The following DPP6 variants were observed in gnomAD, a reference collection of about 807,000 sequenced individuals.
DPP6 encodes dipeptidyl peptidase like 6, also known as A-type potassium channel modulatory protein DPP6.
A neutral mutation model predicts 122.6 loss-of-function variants in DPP6; 69 were observed. The observed-to-expected ratio is 0.56, with a 90% CI of 0.46 to 0.69. The LOEUF (loss-of-function observed/expected upper bound fraction) is 0.69. Among genes scored for constraint, DPP6 ranks in the 30% least tolerant of loss-of-function variants. DPP6 has a pLI of 0.00. For synonymous variants in DPP6, 418 were observed against 433.1 expected, an observed-to-expected ratio of 0.97 and a Z score of 0.43; for missense variants, 928 against 1,116.9, an observed-to-expected ratio of 0.83 and a Z score of 2.41.
At chr7:154,288,493 A>T (rs754847921) in intron 1 of DPP6, among the ~76,000 whole-genome samples, 13 of 152,256 alleles carry the variant, frequency 8.5e-5, no homozygotes, top group Non-Finnish European at 1.6e-4. Flanking sequence ...CTCTCTGCAC[A>T]TCTGACATCT....
the DPP6 span, among the ~76,000 whole-genome samples, chr7:153,773,267 G>GTGTGTGTGTGTGTC: frequency 7.2e-6 from 1 of 139,224 alleles, no homozygotes; most frequent in African/African-American, 2.7e-5. Flanking sequence ...TTTCTTTCGT[G>GTGTGTGTGTGTGTC]TGTGTGTGTG....
At chr7:154,317,874 A>G (rs1039205218) in intron 1 of DPP6, among the ~76,000 whole-genome samples, 7 of 152,254 alleles carry the variant, frequency 4.6e-5, no homozygotes, top group African/African-American at 1.7e-4. Context: ...TAAAAACACC[A>G]AAGAAGATCA....
intron 1 of DPP6, among the ~76,000 whole-genome samples, chr7:153,962,650 A>T (rs1795411611): frequency 6.6e-6 from 1 of 152,144 alleles, no homozygotes. Context: ...TCAGGAAGTA[A>T]ACCTGTCAAG....
chr7:154,150,937 C>T (rs2150685133), intron 1 of DPP6, among the ~76,000 whole-genome samples: 1 of 152,310 alleles, frequency 6.6e-6, no homozygotes, highest in East Asian at 1.9e-4. Context: ...GGCAAGGTCG[C>T]CTGTCTCCCT....
At chr7:153,937,623 T>C (rs1236836772) in intron 1 of DPP6, among the ~76,000 whole-genome samples, 1 of 152,090 alleles carries the variant, frequency 6.6e-6, no homozygotes, top group African/African-American at 2.4e-5. Context: ...AATTTTTGTA[T>C]TTTTAATAGA....
intron 10 of DPP6, among the ~76,000 whole-genome samples, chr7:154,792,035 A>G (rs1341851900): frequency 1.3e-5 from 2 of 152,292 alleles, no homozygotes; most frequent in Non-Finnish European, 2.9e-5. Flanking sequence ...GCATAGGATG[A>G]ATGAATGTTT....
chr7:153,988,467 A>G (rs575072432), intron 1 of DPP6, among the ~76,000 whole-genome samples: 2,713 of 152,186 alleles, frequency 0.018, 76 homozygotes, highest in African/African-American at 0.057. Context: ...CAGTGTTACC[A>G]TTATTCATTT....
intron 1 of DPP6, among the ~76,000 whole-genome samples, chr7:154,404,680 A>G (rs978657931): frequency 7.9e-5 from 12 of 152,244 alleles, no homozygotes; most frequent in Admixed American, 6.5e-4. Context: ...TTATAAAATC[A>G]GTACCTATTT....
At chr7:154,008,658 CTTTT>C (rs57634994) in intron 1 of DPP6, among the ~76,000 whole-genome samples, 1 of 101,466 alleles carries the variant, frequency 9.9e-6, no homozygotes, top group Non-Finnish European at 2.0e-5. Flanking sequence ...TATTTCTTTT[CTTTT>C]TTTTTTTTTT....
At chr7:154,839,719 G>T (rs964152364) in intron 16 of DPP6, among the ~76,000 whole-genome samples, 1 of 152,234 alleles carries the variant, frequency 6.6e-6, no homozygotes, top group African/African-American at 2.4e-5. Context: ...CAGGAAGACT[G>T]GGAGGGAAGA....
Position 154,588,051 on chromosome 7 carries a change from C to T in DPP6, c.627+21135C>T, listed in dbSNP as rs1366554921. 4 of 1,609,036 alleles carry T rather than the reference C, an allele frequency of 2.5e-6. No individual in the cohort carries two copies. The Admixed American group carries it at 5.0e-5, about 20-fold the overall frequency. On this transcript the variant is annotated intron_variant, in intron 5 of 25. Coordinates refer to ENST00000377770, the MANE Select transcript of DPP6 (RefSeq NM_130797.4). Reference sequence around the variant, plus strand: ...CCCCGGGGATAATGCACAGCAGCTACAGGCAGATTTCGGGCCAGAGAGCAA... The same window carrying T: ...CCCCGGGGATAATGCACAGCAGCTATAGGCAGATTTCGGGCCAGAGAGCAA...
intron 1 of DPP6, among the ~76,000 whole-genome samples, chr7:154,166,348 C>T (rs1240937470): frequency 6.6e-6 from 1 of 152,120 alleles, no homozygotes; most frequent in Non-Finnish European, 1.5e-5. Context: ...CTGCATCTCA[C>T]CCGTGAGCCA....
intron 16 of DPP6, among the ~76,000 whole-genome samples, chr7:154,831,423 CTCTT>C: frequency 6.6e-6 from 1 of 152,310 alleles, no homozygotes; most frequent in Admixed American, 6.5e-5. Flanking sequence ...GGAAAAAAAA[CTCTT>C]TATTGCAAAA....
intron 1 of DPP6, among the ~76,000 whole-genome samples, chr7:153,930,479 A>G (rs1264124618): frequency 1.3e-5 from 2 of 152,126 alleles, no homozygotes; most frequent in African/African-American, 4.8e-5. Flanking sequence ...TTTTCAATTG[A>G]CAAAATTGTG....
At chr7:153,879,134 T>C in the DPP6 span, among the ~76,000 whole-genome samples, 2 of 152,082 alleles carry the variant, frequency 1.3e-5, no homozygotes, top group Non-Finnish European at 2.9e-5. Flanking sequence ...GTGATGAGAT[T>C]TGTACTTCAG....
chr7:154,796,203 G>A lies in DPP6; in HGVS notation c.1299+320G>A, dbSNP rs926929838. The A allele has an allele frequency of 3.9e-5, 13 of 330,624 alleles. No individual in the cohort carries two copies. In the Admixed American group the frequency reaches 5.6e-4, roughly 14 times the overall value. 20.5% of individuals were successfully genotyped at this position (330,624 alleles called of 1,614,324 possible). ...AATTGAAAATGAACAGTCCATCAAA[G>A]GTGGCTTAACATAATCTACTATAGT... On this transcript the variant is annotated intron_variant, in intron 12 of 25. Coordinates refer to ENST00000377770, the MANE Select transcript of DPP6 (RefSeq NM_130797.4).
chr7:154,276,732 C>G (rs1490538466), intron 1 of DPP6, among the ~76,000 whole-genome samples: 1 of 152,178 alleles, frequency 6.6e-6, no homozygotes, highest in Non-Finnish European at 1.5e-5. Flanking sequence ...GCTGTTGCTC[C>G]TAGTGGAAAT....
intron 1 of DPP6, among the ~76,000 whole-genome samples, chr7:153,969,269 T>G (rs1033878052): frequency 7.2e-6 from 1 of 139,362 alleles, no homozygotes; most frequent in Non-Finnish European, 1.5e-5. Context: ...CTGGCTAAGA[T>G]TCAGCCATTT....
At chr7:153,793,950 A>G in the DPP6 span, among the ~76,000 whole-genome samples, 1 of 152,222 alleles carries the variant, frequency 6.6e-6, no homozygotes. Context: ...CACAATAGTC[A>G]AGAACTTGGG....
Sources: gnomAD v4.1 joint callset for allele counts (sites outside exome capture counted in the v4.1 genomes callset) on GRCh38, gnomAD v4.1.1 for gene constraint, MANE v1.5 for transcripts, NCBI Gene and HGNC (gene_info 2026-07-23, HGNC 2026-07-21) for gene names.